The following MAML2 variants were observed in gnomAD, a reference collection of about 807,000 sequenced individuals.
The protein encoded by MAML2 is mastermind like transcriptional coactivator 2.
A neutral mutation model predicts 96.1 loss-of-function variants in MAML2; 22 were observed. The observed-to-expected ratio is 0.23, with a 90% CI of 0.16 to 0.33. The LOEUF is 0.33. Among genes scored for constraint, MAML2 ranks in the 10% least tolerant of loss-of-function variants. The pLI is 1.00. For missense variants in MAML2, 1,367 were observed against 1,392.4 expected (o/e 0.98, Z 0.29); for synonymous variants, 561 against 521.3 (o/e 1.08, Z -1.04).
At chr11:96,137,857 A>G (rs997516362) in intron 1 of MAML2, among the ~76,000 whole-genome samples, 7 of 152,216 alleles carry the variant, frequency 4.6e-5, no homozygotes, top group Non-Finnish European at 1.5e-5. Flanking sequence ...GTTATTTTTT[A>G]ACAATCTTTT....
intron 2 of MAML2, among the ~76,000 whole-genome samples, chr11:96,034,454 A>AGTGTGTGT (rs1468615554): frequency 1.6e-4 from 20 of 127,984 alleles, no homozygotes; most frequent in African/African-American, 6.8e-4. Context: ...AGAGAGAGAG[A>AGTGTGTGT]GAGTGTGTGT....
intron 1 of MAML2, among the ~76,000 whole-genome samples, chr11:96,219,495 A>G (rs1862100036): frequency 6.6e-6 from 1 of 152,238 alleles, no homozygotes; most frequent in Admixed American, 6.5e-5. Context: ...TAGGAAAAAC[A>G]TAGATAGTAG....
intron 1 of MAML2, among the ~76,000 whole-genome samples, chr11:96,157,928 C>T (rs917943130): frequency 2.0e-5 from 3 of 151,796 alleles, no homozygotes; most frequent in African/African-American, 7.3e-5. Flanking sequence ...TTATTTTTAC[C>T]CTCAAATTAC....
At chr11:96,184,685 G>A (rs1411021418) in intron 1 of MAML2, among the ~76,000 whole-genome samples, 1 of 150,956 alleles carries the variant, frequency 6.6e-6, no homozygotes, top group Non-Finnish European at 1.5e-5. Context: ...CGCCTCCCAG[G>A]TTCACGCCAT....
In MAML2 at chr11:96,266,172, G is replaced by A. The variant is rs541644809; in HGVS notation, c.513+75211C>T. Among the ~76,000 whole-genome samples the A allele has an allele frequency of 2.6e-5, 4 of 152,226 alleles. No homozygotes were observed. The South Asian group carries it at 8.3e-4, about 32-fold the overall frequency. On this transcript the variant is annotated intron_variant, in intron 1 of 4. Coordinates refer to ENST00000524717, the MANE Select transcript of MAML2 (RefSeq NM_032427.4). ...GAGCAGCAGGGCACTGAAGAAACGA[G>A]CCACTTCCCCATCGTACACCCTGCG...
At chr11:96,302,341 T>C (rs188686840) in intron 1 of MAML2, among the ~76,000 whole-genome samples, 3 of 152,340 alleles carry the variant, frequency 2.0e-5, no homozygotes, top group East Asian at 3.9e-4. Flanking sequence ...AATCCTGTTA[T>C]GTACTTTCAT....
chr11:96,076,432 T>TCTCACA (rs1220334761), intron 2 of MAML2, among the ~76,000 whole-genome samples: 115 of 103,182 alleles, frequency 1.1e-3, no homozygotes, highest in African/African-American at 2.7e-3. Flanking sequence ...TCTCTCTCTC[T>TCTCACA]CACACACACA....
intron 1 of MAML2, among the ~76,000 whole-genome samples, chr11:96,225,990 A>G (rs1445126268): frequency 6.6e-6 from 1 of 152,246 alleles, no homozygotes; most frequent in Non-Finnish European, 1.5e-5. Context: ...ACCCACCTTT[A>G]GTTGATCACC....
chr11:96,299,058 A>ATATATATATATATATATATATAT (rs61036575), intron 1 of MAML2, among the ~76,000 whole-genome samples: 3 of 58,030 alleles, frequency 5.2e-5, no homozygotes, highest in Admixed American at 2.1e-4. Flanking sequence ...AAAAAAAAAA[A>ATATATATATATATATATATATAT]AAATATATAT....
intron 2 of MAML2, among the ~76,000 whole-genome samples, chr11:95,993,994 C>T (rs557221248): frequency 7.2e-5 from 11 of 152,242 alleles, no homozygotes; most frequent in Non-Finnish European, 1.3e-4. Flanking sequence ...TGTAAGTGGC[C>T]GAGGAGGATT....
At chr11:96,026,873 CAAAT>C (rs72031056) in intron 2 of MAML2, among the ~76,000 whole-genome samples, 39,150 of 147,412 alleles carry the variant, frequency 0.27, 5,278 homozygotes, top group South Asian at 0.39. Flanking sequence ...AGCATCCTGG[CAAAT>C]AAATAAATAA....
Position 96,156,920 on chromosome 11 carries a change from T to C in MAML2, c.514-63403A>G, listed in dbSNP as rs374634878. On this transcript the variant is annotated intron_variant, in intron 1 of 4. Transcript: ENST00000524717. ...CCTAAACTCGATGTTCTTTTGGCCT[T>C]GTGTCTCACTTGCAGGGGTGGTGGA... Among the ~76,000 whole-genome samples the C allele has an allele frequency of 7.9e-5, 12 of 152,188 alleles. No homozygotes were observed. The East Asian group carries it at 1.3e-3, about 17-fold the overall frequency.
chr11:95,999,890 A>G (rs1858055214), intron 2 of MAML2, among the ~76,000 whole-genome samples: 1 of 151,802 alleles, frequency 6.6e-6, no homozygotes, highest in South Asian at 2.1e-4. Flanking sequence ...CTCCCTACCC[A>G]CTTCTCTCTT....
intron 1 of MAML2, among the ~76,000 whole-genome samples, chr11:96,195,164 C>A (rs1260838716): frequency 1.3e-5 from 2 of 152,160 alleles, no homozygotes. Flanking sequence ...AACCACAAGT[C>A]ATCCTACTGA....
In MAML2 at chr11:96,046,129, AG is replaced by A. The variant is rs1461029492; in HGVS notation, c.2139+45762del. On this transcript the variant is annotated intron_variant, in intron 2 of 4. Coordinates refer to ENST00000524717, the MANE Select transcript of MAML2 (RefSeq NM_032427.4). Reference sequence around the variant, plus strand: ...CAGGAGTATGCGTCTGAGTTGGGGGAGGAGGAGAGAGGGGAGCAGGCAGGGG... The same window carrying A: ...CAGGAGTATGCGTCTGAGTTGGGGGAGAGGAGAGAGGGGAGCAGGCAGGGG... Among the ~76,000 whole-genome samples, 11 of 151,830 alleles carry A rather than the reference AG, an allele frequency of 7.2e-5. No individual in the cohort carries two copies. The South Asian group carries it at 2.3e-3, about 32-fold the overall frequency.
At chr11:96,243,132 T>TAC (rs34352998) in intron 1 of MAML2, among the ~76,000 whole-genome samples, 59,987 of 151,476 alleles carry the variant, frequency 0.4, 13,202 homozygotes, top group East Asian at 0.53. Context: ...CATTCTCTCT[T>TAC]ACACACACAC....
At chr11:96,224,522 T>C (rs1346834023) in intron 1 of MAML2, among the ~76,000 whole-genome samples, 1 of 152,226 alleles carries the variant, frequency 6.6e-6, no homozygotes, top group East Asian at 1.9e-4. Context: ...CCAAGATGTC[T>C]TCTCATCTTT....
At chr11:96,157,678 T>C (rs1468948059) in intron 1 of MAML2, among the ~76,000 whole-genome samples, 4 of 152,248 alleles carry the variant, frequency 2.6e-5, no homozygotes, top group Non-Finnish European at 4.4e-5. Flanking sequence ...CCCATTTATC[T>C]CTACATCAAT....
intron 1 of MAML2, among the ~76,000 whole-genome samples, chr11:96,118,872 C>G (rs1417123350): frequency 6.6e-6 from 1 of 151,498 alleles, no homozygotes; most frequent in Non-Finnish European, 1.5e-5. Flanking sequence ...TTTTTTTTTC[C>G]TTTAGGTTAA....
Sources: allele counts gnomAD v4.1 joint callset (sites outside exome capture counted in the v4.1 genomes callset), GRCh38; gene constraint gnomAD v4.1.1; transcripts MANE v1.5; gene names NCBI Gene and HGNC (gene_info 2026-07-23, HGNC 2026-07-21).